The following PHACTR4 variants were observed in gnomAD, a reference collection of about 807,000 sequenced individuals.
The protein encoded by PHACTR4 is phosphatase and actin regulator 4.
PHACTR4 carries 51 observed loss-of-function variants against 72.7 expected under a neutral mutation model. That is an observed-to-expected ratio of 0.70 (90% CI 0.56 to 0.89). The LOEUF (loss-of-function observed/expected upper bound fraction) is 0.89, where lower values mean the gene tolerates loss of function less well. Among genes scored for constraint, PHACTR4 ranks in the 40% least tolerant of loss-of-function variants. The probability of loss-of-function intolerance (pLI) is 0.00; values close to 1 mark genes in which losing one functional copy is unlikely to be tolerated. For missense variants in PHACTR4, 731 were observed against 861.8 expected, an observed-to-expected ratio of 0.85 and a Z score of 1.90; for synonymous variants, 255 against 302.5, an observed-to-expected ratio of 0.84 and a Z score of 1.63.
intron 5 of PHACTR4, 49 bp from the exon 6 acceptor site, chr1:28,466,331 TTC>T: frequency 6.5e-7 from 1 of 1,538,082 alleles, no homozygotes; most frequent in African/African-American, 1.4e-5. Context: ...CTTTTTCAGT[TTC>T]TCTTGTTACT....
Position 28,379,620 on chromosome 1 carries a change from C to T in PHACTR4, c.-39+9795C>T, listed in dbSNP as rs192179149. 6.4e-3 allele frequency among the ~76,000 whole-genome samples: 932 copies of T among 144,838 alleles called. 40 individuals carry two copies. Among genetic ancestry groups the T allele is most frequent in the Admixed American group, 0.057 (822 of 14,332 alleles). ...TTTTTTTTTTTTTGAGATGGGGTCT[C>T]GCTCTGTTGCCCAGGCTGGAGTGCA... On this transcript the variant is annotated intron_variant, in intron 1 of 13. Coordinates refer to ENST00000373839, the MANE Select transcript of PHACTR4 (RefSeq NM_001048183.3).
At chr1:28,488,218 C>G (rs1484594588) in intron 9 of PHACTR4, among the ~76,000 whole-genome samples, 1 of 152,088 alleles carries the variant, frequency 6.6e-6, no homozygotes, top group Non-Finnish European at 1.5e-5. Context: ...CTGGGCATGG[C>G]CAGGCGTGGT....
In PHACTR4 at chr1:28,473,585, A is replaced by G. The variant is rs1351122694; in HGVS notation, c.855A>G (p.Thr285=). ...AELSQAINSG[T]LLSKPSPPLP... ...TGTCCCAAGCAATAAACAGTGGTAC[A>G]TTGTTATCAAAACCGTCCCCACCCT... Residue 285 remains threonine, a synonymous_variant, in exon 7 of 14, where the codon ACA becomes ACG. Transcript: ENST00000373839. 1.9e-6 allele frequency: 3 copies of G among 1,613,000 alleles called. No individual in the cohort carries two copies. The highest frequency in any genetic ancestry group is 2.7e-5 in the African/African-American group (2 of 74,882).
At chr1:28,408,074 C>T (rs1479720535) in intron 2 of PHACTR4, among the ~76,000 whole-genome samples, 2 of 152,220 alleles carry the variant, frequency 1.3e-5, no homozygotes, top group Admixed American at 6.5e-5. Context: ...GAGCTGAGAT[C>T]GCGCCACTGC....
intron 13 of PHACTR4, among the ~76,000 whole-genome samples, chr1:28,496,207 C>T (rs1479919003): frequency 6.6e-6 from 1 of 151,850 alleles, no homozygotes; most frequent in Non-Finnish European, 1.5e-5. Flanking sequence ...CAGGTGCGCG[C>T]CACCACGCCC....
intron 1 of PHACTR4, among the ~76,000 whole-genome samples, chr1:28,372,311 A>T (rs551417737): frequency 3.9e-5 from 6 of 152,290 alleles, no homozygotes; most frequent in African/African-American, 1.4e-4. Context: ...AGGTTACTGA[A>T]GTTAGATAGG....
chr1:28,448,743 C>T (rs1657683724), intron 2 of PHACTR4, among the ~76,000 whole-genome samples: 1 of 102,048 alleles, frequency 9.8e-6, no homozygotes, highest in African/African-American at 4.4e-5. Context: ...GCCTGGGCGA[C>T]AGAGCGAGAC....
chr1:28,389,406 A>T (rs1652820504), intron 1 of PHACTR4, among the ~76,000 whole-genome samples: 1 of 151,926 alleles, frequency 6.6e-6, no homozygotes, highest in Non-Finnish European at 1.5e-5. Context: ...AAAAAATAAC[A>T]AGTGTTGGCA....
intron 1 of PHACTR4, among the ~76,000 whole-genome samples, chr1:28,388,239 A>G (rs1652719213): frequency 6.6e-6 from 1 of 152,170 alleles, no homozygotes; most frequent in Non-Finnish European, 1.5e-5. Flanking sequence ...TTTGTATGGA[A>G]CACAAAAAGG....
intron 2 of PHACTR4, among the ~76,000 whole-genome samples, chr1:28,414,266 A>G (rs1654960673): frequency 1.3e-5 from 2 of 152,044 alleles, no homozygotes; most frequent in Admixed American, 1.3e-4. Flanking sequence ...GGGTTTCACC[A>G]TGTTGGCTAG....
At chr1:28,400,044 G>GACCA (rs1653824901) in intron 1 of PHACTR4, among the ~76,000 whole-genome samples, 1 of 152,154 alleles carries the variant, frequency 6.6e-6, no homozygotes, top group Non-Finnish European at 1.5e-5. Context: ...AGCAGACAGG[G>GACCA]ACCAGGACAT....
At chr1:28,405,523 C>T (rs1654257999) in intron 1 of PHACTR4, among the ~76,000 whole-genome samples, 1 of 151,290 alleles carries the variant, frequency 6.6e-6, no homozygotes, top group South Asian at 2.1e-4. Flanking sequence ...GACAGGGTTT[C>T]ACCATGTTGT....
intron 2 of PHACTR4, among the ~76,000 whole-genome samples, chr1:28,426,371 T>C (rs1417159292): frequency 6.6e-6 from 1 of 150,910 alleles, no homozygotes; most frequent in Non-Finnish European, 1.5e-5. Context: ...AAACGTGGAA[T>C]TGGGAGGCCA....
chr1:28,473,694 G>GA lies in PHACTR4; in HGVS notation c.967dup (p.Arg323LysfsTer42). On this transcript the variant is annotated frameshift_variant, in exon 7 of 14. Coordinates refer to ENST00000373839, the MANE Select transcript of PHACTR4 (RefSeq NM_001048183.3). LOFTEE classifies it high-confidence loss of function. ...CATCACCACAAAAACACCAAGTGAT[G>GA]AAAGAGAGAAGAGCACGTGTTCTAT... The GA allele has an allele frequency of 1.2e-6, 2 of 1,614,086 alleles. No homozygotes were observed. The highest frequency in any genetic ancestry group is 1.7e-6 in the Non-Finnish European group (2 of 1,180,022).
chr1:28,388,829 G>A (rs760055348), intron 1 of PHACTR4, among the ~76,000 whole-genome samples: 3 of 151,852 alleles, frequency 2.0e-5, no homozygotes, highest in Non-Finnish European at 2.9e-5. Context: ...CAGCCTGGGC[G>A]ACAGAGCCAG....
intron 4 of PHACTR4, among the ~76,000 whole-genome samples, chr1:28,460,517 T>C (rs187505216): frequency 7.2e-5 from 11 of 152,010 alleles, no homozygotes; most frequent in South Asian, 4.2e-4. Flanking sequence ...GTCTTTTTTT[T>C]CCCCCCCTTG....
At chr1:28,443,826 G>T (rs1657226730) in intron 2 of PHACTR4, among the ~76,000 whole-genome samples, 1 of 151,974 alleles carries the variant, frequency 6.6e-6, no homozygotes, top group African/African-American at 2.4e-5. Context: ...TTCATCTGTT[G>T]TTGAACACCT....
intron 9 of PHACTR4, among the ~76,000 whole-genome samples, chr1:28,487,518 C>CAAAAAA (rs796633179): frequency 3.4e-4 from 26 of 77,102 alleles, no homozygotes; most frequent in Non-Finnish European, 5.0e-4. Context: ...GACACACACA[C>CAAAAAA]AAAAAAAAAA....
chr1:28,393,074 G>A (rs1444385866), intron 1 of PHACTR4, among the ~76,000 whole-genome samples: 1 of 152,152 alleles, frequency 6.6e-6, no homozygotes, highest in Non-Finnish European at 1.5e-5. Context: ...GCTTTGGAAT[G>A]TATCCCTCAA....
Sources: gnomAD v4.1 joint callset for allele counts (sites outside exome capture counted in the v4.1 genomes callset) on GRCh38, gnomAD v4.1.1 for gene constraint, MANE v1.5 for transcripts, NCBI Gene and HGNC (gene_info 2026-07-23, HGNC 2026-07-21) for gene names.